Variants in SDK1 observed in about 807,000 individuals in gnomAD.
The protein encoded by SDK1 is protein sidekick-1.
In SDK1, 157 loss-of-function variants were observed where a neutral mutation model predicts 245.5. That is an observed-to-expected ratio of 0.64 (90% confidence interval 0.56 to 0.73). The LOEUF (loss-of-function observed/expected upper bound fraction) is 0.73, where lower values mean the gene tolerates loss of function less well. Among genes scored for constraint, SDK1 ranks in the 30% least tolerant of loss-of-function variants. The pLI is 0.00. For synonymous variants in SDK1, 1,647 were observed against 1,278.5 expected, an observed-to-expected ratio of 1.29 and a Z score of -6.15; for missense variants, 3,583 against 3,002.3, an observed-to-expected ratio of 1.19 and a Z score of -4.52.
At chr7:3,768,708 A>T (rs1780325945) in intron 4 of SDK1, among the ~76,000 whole-genome samples, 1 of 152,190 alleles carries the variant, frequency 6.6e-6, no homozygotes, top group African/African-American at 2.4e-5. Flanking sequence ...AGCTGTAGGT[A>T]CACGTTTATG....
intron 4 of SDK1, among the ~76,000 whole-genome samples, chr7:3,794,919 A>G (rs1778924845): frequency 6.7e-6 from 1 of 150,128 alleles, no homozygotes; most frequent in Non-Finnish European, 1.5e-5. Flanking sequence ...AGAAAATATT[A>G]ATGAGCTTTT....
intron 5 of SDK1, among the ~76,000 whole-genome samples, chr7:3,918,388 T>G (rs1405926026): frequency 2.0e-5 from 3 of 152,138 alleles, no homozygotes; most frequent in African/African-American, 4.8e-5. Flanking sequence ...TGCATTAGAT[T>G]CTCGTAATAG....
intron 1 of SDK1, among the ~76,000 whole-genome samples, chr7:3,457,184 G>C (rs1780697302): frequency 6.6e-6 from 1 of 152,094 alleles, no homozygotes. Flanking sequence ...CAAGGAGTGA[G>C]CCTGCCTTAG....
chr7:3,350,361 C>T (rs1476683601), intron 1 of SDK1, among the ~76,000 whole-genome samples: 1 of 152,120 alleles, frequency 6.6e-6, no homozygotes, highest in African/African-American at 2.4e-5. Context: ...GGTGTGATGC[C>T]ATGAACTTGT....
intron 30 of SDK1, among the ~76,000 whole-genome samples, chr7:4,157,375 G>A (rs367664479): frequency 3.7e-5 from 3 of 81,668 alleles, no homozygotes; most frequent in Admixed American, 1.1e-4. Context: ...GGAGGAAGAA[G>A]GGAGAGAAGG....
rs531334155 is a variant in SDK1 at position 4,091,792 on chromosome 7, C to T, written c.3324+12208C>T. 2.1e-3 allele frequency among the ~76,000 whole-genome samples: 322 copies of T among 152,276 alleles called. 2 individuals carry two copies. The highest frequency in any genetic ancestry group is 7.5e-3 in the African/African-American group (310 of 41,560). On this transcript the variant is annotated intron_variant, in intron 22 of 44. Transcript: ENST00000404826. ...GAATATACTCCAACCCTCTACATCA[C>T]CAGCCAACACCTTTACAGCTCCGTC...
chr7:3,749,932 T>A (rs1189288335), intron 4 of SDK1, among the ~76,000 whole-genome samples: 2 of 152,292 alleles, frequency 1.3e-5, no homozygotes, highest in Admixed American at 1.3e-4. Flanking sequence ...TGAATCAATA[T>A]AAATTGGTTC....
chr7:3,439,922 C>T (rs1780146320), intron 1 of SDK1, among the ~76,000 whole-genome samples: 1 of 124,338 alleles, frequency 8.0e-6, no homozygotes, highest in African/African-American at 2.7e-5. Context: ...TCCCAAACTA[C>T]CCTGTGCTGG....
At chr7:3,422,516 G>T (rs139325849) in intron 1 of SDK1, among the ~76,000 whole-genome samples, 54 of 151,954 alleles carry the variant, frequency 3.6e-4, no homozygotes, top group African/African-American at 1.3e-3. Context: ...ATTATTGCTG[G>T]GTGTGGTGGC....
At chr7:3,357,008 TAG>T in intron 1 of SDK1, among the ~76,000 whole-genome samples, 1 of 132,582 alleles carries the variant, frequency 7.5e-6, no homozygotes. Context: ...TGAGCCGAGA[TAG>T]TGCCACTGCA....
chr7:3,537,952 C>T (rs1225799717), intron 1 of SDK1, among the ~76,000 whole-genome samples: 2 of 152,198 alleles, frequency 1.3e-5, no homozygotes, highest in African/African-American at 4.8e-5. Context: ...CTCCAGTGCT[C>T]CTCCAGGGTG....
At chr7:3,810,435 G>GTAAAAAC (rs1779357154) in intron 4 of SDK1, among the ~76,000 whole-genome samples, 1 of 151,702 alleles carries the variant, frequency 6.6e-6, no homozygotes, top group African/African-American at 2.4e-5. Flanking sequence ...CCTTCATGCC[G>GTAAAAAC]TTCCTCTGCA....
chr7:3,938,969 T>C (rs1354604291), intron 5 of SDK1, among the ~76,000 whole-genome samples: 1 of 152,226 alleles, frequency 6.6e-6, no homozygotes, highest in Admixed American at 6.5e-5. Context: ...AACTGCTGGA[T>C]TGTCAAACTG....
intron 13 of SDK1, among the ~76,000 whole-genome samples, chr7:3,985,144 T>C (rs1342139502): frequency 6.6e-6 from 1 of 151,600 alleles, no homozygotes; most frequent in Admixed American, 6.5e-5. Flanking sequence ...TGGAAGGATC[T>C]TGGGGCCCAC....
At chr7:3,804,874 A>T (rs961173362) in intron 4 of SDK1, among the ~76,000 whole-genome samples, 1 of 152,206 alleles carries the variant, frequency 6.6e-6, no homozygotes, top group Non-Finnish European at 1.5e-5. Context: ...GAGAAATACA[A>T]TTGGGGGTGG....
chr7:3,587,352 T>C (rs754837616), intron 1 of SDK1, among the ~76,000 whole-genome samples: 10 of 151,896 alleles, frequency 6.6e-5, no homozygotes, highest in Non-Finnish European at 1.2e-4. Context: ...TTAGAAGGTG[T>C]TGGCTTACGT....
chr7:3,900,357 G>A (rs1201524751), intron 5 of SDK1, among the ~76,000 whole-genome samples: 1 of 152,136 alleles, frequency 6.6e-6, no homozygotes, highest in African/African-American at 2.4e-5. Flanking sequence ...CTCTTGCATC[G>A]TTCATGTTTT....
chr7:3,821,392 T>G lies in SDK1; in HGVS notation c.714-58T>G, dbSNP rs1358925887. 34 of 1,561,048 alleles carry G rather than the reference T, an allele frequency of 2.2e-5. No individual in the cohort carries two copies. In the Admixed American group the frequency reaches 4.7e-4, roughly 22 times the overall value. On this transcript the variant is annotated intron_variant, in intron 4 of 44. Coordinates refer to ENST00000404826, the MANE Select transcript of SDK1 (RefSeq NM_152744.4). The stretch of plus-strand genomic sequence containing the variant: ...ATAGTTGGCCTAATTAATTTTGTCT[T>G]ACAAGTAGGAAGTTCCCTGGAGTAG...
At chr7:4,013,166 C>A (rs1786125062) in intron 16 of SDK1, among the ~76,000 whole-genome samples, 1 of 152,174 alleles carries the variant, frequency 6.6e-6, no homozygotes, top group Admixed American at 6.5e-5. Context: ...GCTGTCTTTG[C>A]TTTATAAAGG....
Sources: gnomAD v4.1 joint callset for allele counts (sites outside exome capture counted in the v4.1 genomes callset) on GRCh38, gnomAD v4.1.1 for gene constraint, MANE v1.5 for transcripts, NCBI Gene and HGNC (gene_info 2026-07-23, HGNC 2026-07-21) for gene names.